KALRN: variants seen among roughly 807,000 people sequenced by gnomAD.
The protein encoded by KALRN is kalirin.
A neutral mutation model predicts 353.7 loss-of-function variants in KALRN; 70 were observed. The observed-to-expected ratio is 0.20, with a 90% CI of 0.16 to 0.24. The LOEUF (loss-of-function observed/expected upper bound fraction) is 0.24. Ranked by LOEUF, KALRN falls within the 10% of genes least tolerant of loss-of-function variation. The probability of loss-of-function intolerance (pLI) is 1.00; values close to 1 mark genes in which losing one functional copy is unlikely to be tolerated. For synonymous variants in KALRN, 1,391 were observed against 1,434.8 expected, an observed-to-expected ratio of 0.97 and a Z score of 0.69; for missense variants, 2,791 against 3,756.7, an observed-to-expected ratio of 0.74 and a Z score of 6.72.
intron 9 of KALRN, among the ~76,000 whole-genome samples, chr3:124,340,746 G>A (rs1190560373): frequency 6.6e-6 from 1 of 152,160 alleles, no homozygotes; most frequent in Non-Finnish European, 1.5e-5. Context: ...GCTGAGGTCA[G>A]GAGTTCAAGA....
rs182341788 is a variant in KALRN at position 124,121,830 on chromosome 3, T to G, written c.73+88017T>G. Reference sequence around the variant, plus strand: ...CTGTTGAAGGTGCAGAGTGACTTAGTAGCAGTATAAGTGCTCCTCCTAATC... The same window carrying G: ...CTGTTGAAGGTGCAGAGTGACTTAGGAGCAGTATAAGTGCTCCTCCTAATC... On this transcript the variant is annotated intron_variant, in intron 1 of 59. Coordinates refer to ENST00000682506, the MANE Select transcript of KALRN (RefSeq NM_001388419.1). Among the ~76,000 whole-genome samples, 107 of 152,320 alleles carry G rather than the reference T, an allele frequency of 7.0e-4. No homozygotes were observed. The South Asian group carries it at 0.014, about 20-fold the overall frequency.
intron 1 of KALRN, among the ~76,000 whole-genome samples, chr3:124,127,640 A>G (rs1168358456): frequency 6.6e-6 from 1 of 152,192 alleles, no homozygotes; most frequent in African/African-American, 2.4e-5. Flanking sequence ...TCTCTGAGTG[A>G]TGGTGATTCT....
At chr3:124,462,872 T>A (rs1451380533) in intron 25 of KALRN, among the ~76,000 whole-genome samples, 1 of 152,182 alleles carries the variant, frequency 6.6e-6, no homozygotes, top group Non-Finnish European at 1.5e-5. Flanking sequence ...ACATCCTCAT[T>A]TATTCAGCCA....
In KALRN at chr3:124,566,535, T is replaced by C. The variant is rs559411515; in HGVS notation, c.5182+3446T>C. Among the ~76,000 whole-genome samples, 30 of 151,268 alleles carry C rather than the reference T, an allele frequency of 2.0e-4. No individual in the cohort carries two copies. The East Asian group carries it at 5.6e-3, about 28-fold the overall frequency. On this transcript the variant is annotated intron_variant, in intron 34 of 59. Transcript: ENST00000682506. ...AAAAAAAAAAGGACCTAAGTCTGCA[T>C]TCTCCATGGAGCACTCCTTATGCCC... is the stretch of plus-strand genomic sequence containing the variant.
At chr3:124,214,081 T>A (rs922056352) in intron 1 of KALRN, among the ~76,000 whole-genome samples, 2 of 152,138 alleles carry the variant, frequency 1.3e-5, no homozygotes, top group Non-Finnish European at 2.9e-5. Context: ...AGAAAAAAAG[T>A]TAAACATTAA....
intron 37 of KALRN, among the ~76,000 whole-genome samples, chr3:124,649,609 T>TAAACAAACAAAC (rs75988107): frequency 0.011 from 1,532 of 143,438 alleles, 30 homozygotes; most frequent in African/African-American, 0.037. Context: ...CCCAGTCTCT[T>TAAACAAACAAAC]AAACAAACAA....
intron 1 of KALRN, among the ~76,000 whole-genome samples, chr3:124,052,635 T>C (rs928026205): frequency 1.3e-5 from 2 of 152,090 alleles, no homozygotes; most frequent in Admixed American, 6.6e-5. Context: ...TACATTTCCT[T>C]CCATGCAGAA....
intron 33 of KALRN, chr3:124,519,748 A>G (rs915646307): frequency 4.1e-6 from 4 of 985,290 alleles, no homozygotes; most frequent in Admixed American, 6.1e-5. Context: ...TTTAAATCCA[A>G]TGGAGAACTT....
intron 1 of KALRN, among the ~76,000 whole-genome samples, chr3:124,066,774 G>A (rs2042396649): frequency 6.6e-6 from 1 of 152,202 alleles, no homozygotes; most frequent in Non-Finnish European, 1.5e-5. Context: ...CAGCCGGCTG[G>A]AGAAGGACAG....
intron 1 of KALRN, among the ~76,000 whole-genome samples, chr3:124,043,341 A>G (rs915367477): frequency 6.6e-6 from 1 of 151,966 alleles, no homozygotes; most frequent in African/African-American, 2.4e-5. Context: ...GGTTTTTTTT[A>G]GGAGGGAAGA....
chr3:124,247,040 C>G (rs1447327724), intron 3 of KALRN, among the ~76,000 whole-genome samples: 2 of 152,118 alleles, frequency 1.3e-5, no homozygotes, highest in Admixed American at 1.3e-4. Flanking sequence ...TTGGTTAAGT[C>G]TGATTATGTG....
intron 1 of KALRN, among the ~76,000 whole-genome samples, chr3:124,177,205 G>A (rs2072901555): frequency 6.6e-6 from 1 of 152,168 alleles, no homozygotes; most frequent in Admixed American, 6.5e-5. Flanking sequence ...ACTCAGCTCT[G>A]TGCAGGATGG....
chr3:124,230,954 AC>A (rs1315670871), intron 2 of KALRN, among the ~76,000 whole-genome samples: 1 of 152,116 alleles, frequency 6.6e-6, no homozygotes, highest in Non-Finnish European at 1.5e-5. Flanking sequence ...AAATGAAGAA[AC>A]CTATAATTAA....
At chr3:124,294,037 G>A (rs974122873) in intron 5 of KALRN, among the ~76,000 whole-genome samples, 1 of 152,060 alleles carries the variant, frequency 6.6e-6, no homozygotes, top group Non-Finnish European at 1.5e-5. Context: ...AGGCAGTGGA[G>A]GAAGAGGAGA....
At chr3:124,289,243 A>G (rs570276038) in intron 5 of KALRN, among the ~76,000 whole-genome samples, 1 of 152,288 alleles carries the variant, frequency 6.6e-6, no homozygotes, top group African/African-American at 2.4e-5. Context: ...TCCCCTCTAA[A>G]TGCCATCAAC....
chr3:124,659,556 C>A, intron 43 of KALRN, 99 bp downstream of exon 43: 1 of 815,810 alleles, frequency 1.2e-6, no homozygotes, highest in Non-Finnish European at 2.1e-6. Flanking sequence ...GTCTCCACCA[C>A]ACTGTCCCAA....
chr3:124,153,336 C>A (rs1392451919), intron 1 of KALRN, among the ~76,000 whole-genome samples: 1 of 144,092 alleles, frequency 6.9e-6, no homozygotes, highest in African/African-American at 2.6e-5. Context: ...TCTCATTGTT[C>A]AATTCCCATC....
At chr3:124,217,515 C>T (rs1234228264) in intron 1 of KALRN, among the ~76,000 whole-genome samples, 1 of 152,074 alleles carries the variant, frequency 6.6e-6, no homozygotes, top group African/African-American at 2.4e-5. Flanking sequence ...TCTTGGTTAC[C>T]ACAATAACTT....
chr3:124,661,080 C>G (rs1578752440), intron 44 of KALRN, 107 bp downstream of exon 44: 1 of 851,000 alleles, frequency 1.2e-6, no homozygotes, highest in East Asian at 2.5e-5. Flanking sequence ...AGGTGGACCC[C>G]TCTCAGACAG....
Sources: gnomAD v4.1 joint callset for allele counts (sites outside exome capture counted in the v4.1 genomes callset) on GRCh38, gnomAD v4.1.1 for gene constraint, MANE v1.5 for transcripts, NCBI Gene and HGNC (gene_info 2026-07-23, HGNC 2026-07-21) for gene names.